PDE4D: variants seen among roughly 807,000 people sequenced by gnomAD.
PDE4D encodes the protein phosphodiesterase 4D.
PDE4D carries 24 observed loss-of-function variants against 87.4 expected under a neutral mutation model. That is an observed-to-expected ratio of 0.27 (90% CI 0.20 to 0.39). The LOEUF is 0.39. PDE4D is among the 10% of genes least tolerant of loss of function. The probability of loss-of-function intolerance (pLI) is 1.00; values close to 1 mark genes in which losing one functional copy is unlikely to be tolerated. For synonymous variants in PDE4D, 384 were observed against 383.2 expected, an observed-to-expected ratio of 1.00 and a Z score of -0.02; for missense variants, 714 against 1,041.0, an observed-to-expected ratio of 0.69 and a Z score of 4.32.
intron 5 of PDE4D, among the ~76,000 whole-genome samples, chr5:59,177,621 A>C (rs1397623144): frequency 2.6e-5 from 4 of 152,122 alleles, no homozygotes; most frequent in Non-Finnish European, 5.9e-5. Context: ...GCATGATTTG[A>C]GTGCTGGGTA....
chr5:59,391,310 T>C (rs112925214), intron 1 of PDE4D, among the ~76,000 whole-genome samples: 1,829 of 152,268 alleles, frequency 0.012, 12 homozygotes, highest in Non-Finnish European at 0.02. Flanking sequence ...GAACAAATTA[T>C]CTAGTTTCAT....
At chr5:60,302,176 T>A (rs1753960569) in intron 1 of PDE4D, among the ~76,000 whole-genome samples, 1 of 152,232 alleles carries the variant, frequency 6.6e-6, no homozygotes, top group Admixed American at 6.5e-5. Flanking sequence ...ATCAGGATGA[T>A]GCTGGCCTCA....
intron 3 of PDE4D, among the ~76,000 whole-genome samples, chr5:59,189,456 C>T (rs1353720577): frequency 1.3e-5 from 2 of 152,016 alleles, no homozygotes; most frequent in East Asian, 1.9e-4. Context: ...TTCCTGTTTT[C>T]TCTTTCTTTC....
rs1183746210 is a variant in PDE4D at position 59,735,229 on chromosome 5, G to A, written c.455+157939C>T. ...GTTATGAAACATAAATCTTAAAGCTGTGAATCTCTGCATATAAACAGATTG... is the reference window on the plus strand; with the variant it reads ...GTTATGAAACATAAATCTTAAAGCTATGAATCTCTGCATATAAACAGATTG... On this transcript the variant is annotated intron_variant, in intron 1 of 14. Coordinates refer to ENST00000340635, the MANE Select transcript of PDE4D (RefSeq NM_001104631.2). Among the ~76,000 whole-genome samples the A allele has an allele frequency of 3.3e-5, 5 of 152,170 alleles. No homozygotes were observed. The East Asian group carries it at 7.7e-4, about 23-fold the overall frequency.
chr5:59,819,889 T>A (rs1769433886), intron 1 of PDE4D, among the ~76,000 whole-genome samples: 1 of 152,196 alleles, frequency 6.6e-6, no homozygotes. Flanking sequence ...TTGAGGCAAT[T>A]TCCCTAGAGA....
intron 1 of PDE4D, among the ~76,000 whole-genome samples, chr5:59,477,634 A>C (rs1803522871): frequency 6.6e-6 from 1 of 152,140 alleles, no homozygotes; most frequent in Non-Finnish European, 1.5e-5. Context: ...TGTGAAAAGT[A>C]GTTTGGAGAT....
chr5:59,407,371 A>C (rs1203830234), intron 1 of PDE4D, among the ~76,000 whole-genome samples: 1 of 152,210 alleles, frequency 6.6e-6, no homozygotes, highest in East Asian at 1.9e-4. Flanking sequence ...GCAGAACTGC[A>C]AGCCAGTTAA....
At chr5:59,619,515 G>C (rs747729634) in intron 1 of PDE4D, among the ~76,000 whole-genome samples, 1 of 152,122 alleles carries the variant, frequency 6.6e-6, no homozygotes, top group Non-Finnish European at 1.5e-5. Flanking sequence ...CATAGCAAGC[G>C]GATGGCTGCA....
chr5:60,483,511 C>A (rs1193633180), intron 1 of PDE4D, among the ~76,000 whole-genome samples: 1 of 152,048 alleles, frequency 6.6e-6, no homozygotes, highest in Non-Finnish European at 1.5e-5. Context: ...GTTATAAGCT[C>A]CTTGAGGAAA....
chr5:59,591,251 T>A (rs1448829950), intron 1 of PDE4D, among the ~76,000 whole-genome samples: 2 of 152,230 alleles, frequency 1.3e-5, no homozygotes, highest in Non-Finnish European at 2.9e-5. Flanking sequence ...GTTTCAGTAT[T>A]TCATCCTCTT....
intron 1 of PDE4D, among the ~76,000 whole-genome samples, chr5:59,551,332 A>G (rs1260857254): frequency 6.7e-6 from 1 of 149,970 alleles, no homozygotes; most frequent in African/African-American, 2.4e-5. Context: ...TTAATAAAAT[A>G]TATATCCAAT....
At chr5:60,288,213 C>T (rs1752591547) in intron 1 of PDE4D, among the ~76,000 whole-genome samples, 1 of 152,140 alleles carries the variant, frequency 6.6e-6, no homozygotes, top group African/African-American at 2.4e-5. Context: ...TCAGATTCAT[C>T]TTCTTCTTGG....
chr5:60,034,088 G>C (rs767480306), intron 2 of PDE4D, among the ~76,000 whole-genome samples: 5 of 152,172 alleles, frequency 3.3e-5, no homozygotes, highest in Non-Finnish European at 7.3e-5. Flanking sequence ...GAGAAGTTGT[G>C]AGAAAGGCAA....
At chr5:59,014,010 G>A (rs1222508163) in intron 6 of PDE4D, among the ~76,000 whole-genome samples, 7 of 152,242 alleles carry the variant, frequency 4.6e-5, no homozygotes, top group East Asian at 1.9e-4. Flanking sequence ...ATCAATAAAC[G>A]TAATCCATCA....
intron 1 of PDE4D, among the ~76,000 whole-genome samples, chr5:60,319,903 A>G (rs4540132): frequency 0.088 from 13,451 of 152,136 alleles, 1,960 homozygotes; most frequent in African/African-American, 0.31. Flanking sequence ...ACTGGGGGGT[A>G]CCTCCCAGTT....
At chr5:59,591,322 C>G (rs1825885697) in intron 1 of PDE4D, among the ~76,000 whole-genome samples, 1 of 152,100 alleles carries the variant, frequency 6.6e-6, no homozygotes, top group Admixed American at 6.6e-5. Flanking sequence ...TTAAGTTCAA[C>G]CTTTATGCTA....
chr5:60,503,336 CCAACATTGT>C (rs1181580411), intron 1 of PDE4D, among the ~76,000 whole-genome samples: 1 of 152,096 alleles, frequency 6.6e-6, no homozygotes, highest in Admixed American at 6.6e-5. Flanking sequence ...TACAAGAACA[CCAACATTGT>C]CAATATTTAT....
intron 1 of PDE4D, among the ~76,000 whole-genome samples, chr5:59,507,393 G>T (rs1809451396): frequency 6.6e-6 from 1 of 152,002 alleles, no homozygotes; most frequent in African/African-American, 2.4e-5. Flanking sequence ...TAACATATTT[G>T]TATGAAGATG....
chr5:59,234,116 A>G (rs911621035), intron 1 of PDE4D, among the ~76,000 whole-genome samples: 1 of 152,154 alleles, frequency 6.6e-6, no homozygotes, highest in African/African-American at 2.4e-5. Context: ...GACATTAACT[A>G]TGTTCTCAAA....
Sources: allele counts gnomAD v4.1 joint callset (sites outside exome capture counted in the v4.1 genomes callset), GRCh38; gene constraint gnomAD v4.1.1; transcripts MANE v1.5; gene names NCBI Gene and HGNC (gene_info 2026-07-23, HGNC 2026-07-21).